AFF1: variants seen among roughly 807,000 people sequenced by gnomAD.
AFF1 encodes ALF transcription elongation factor 1.
A neutral mutation model predicts 121.7 loss-of-function variants in AFF1; 48 were observed. The observed-to-expected ratio is 0.39, with a 90% CI of 0.31 to 0.50. The LOEUF is 0.50. Ranked by LOEUF, AFF1 falls within the 20% of genes least tolerant of loss-of-function variation. The probability of loss-of-function intolerance (pLI) is 0.76; values close to 1 mark genes in which losing one functional copy is unlikely to be tolerated. For missense variants in AFF1, 1,523 were observed against 1,511.7 expected, an observed-to-expected ratio of 1.01 and a Z score of -0.12; for synonymous variants, 613 against 563.0, an observed-to-expected ratio of 1.09 and a Z score of -1.26.
At chr4:87,019,415 T>C (rs991290020) in intron 2 of AFF1, among the ~76,000 whole-genome samples, 130 of 152,356 alleles carry the variant, frequency 8.5e-4, no homozygotes, top group Non-Finnish European at 2.1e-4. Flanking sequence ...AAGACTTTTA[T>C]TCCAGAGAGT....
rs558571411 is a variant in AFF1 at position 87,048,391 on chromosome 4, T to C, written c.1059+797T>C. On this transcript the variant is annotated intron_variant, in intron 4 of 20. Coordinates refer to ENST00000395146, the MANE Select transcript of AFF1 (RefSeq NM_001166693.3). ...AGCATTGTGTTTGAATGAGGAGAAT[T>C]AGAGCATACATTCTGTCACTGAAAT... Among the ~76,000 whole-genome samples the C allele has an allele frequency of 1.2e-4, 18 of 152,346 alleles. No homozygotes were observed. The South Asian group carries it at 3.5e-3, about 30-fold the overall frequency.
chr4:87,105,566 GCTAGAAA>G, intron 8 of AFF1, 55 bp from the exon 9 acceptor site: 1 of 1,574,488 alleles, frequency 6.4e-7, no homozygotes, highest in Non-Finnish European at 8.7e-7. Context: ...CTATTTACAT[GCTAGAAA>G]AGTTGTTAGA....
intron 4 of AFF1, among the ~76,000 whole-genome samples, chr4:87,048,479 G>A (rs1730949097): frequency 6.6e-6 from 1 of 152,164 alleles, no homozygotes; most frequent in African/African-American, 2.4e-5. Flanking sequence ...TGTTTGAAGG[G>A]AATTTTAAAA....
chr4:87,015,501 A>C (rs956949947), intron 2 of AFF1, among the ~76,000 whole-genome samples: 4 of 152,236 alleles, frequency 2.6e-5, no homozygotes, highest in African/African-American at 9.6e-5. Context: ...GTAAAATTCA[A>C]AGTGCCACTG....
intron 4 of AFF1, among the ~76,000 whole-genome samples, chr4:87,078,153 G>A (rs1034710574): frequency 2.0e-4 from 31 of 152,108 alleles, no homozygotes; most frequent in Admixed American, 2.0e-4. Flanking sequence ...GTGGCTGTTT[G>A]CCAATCTACG....
chr4:86,955,256 T>C (rs62305658), intron 2 of AFF1, among the ~76,000 whole-genome samples: 20,182 of 152,310 alleles, frequency 0.13, 1,807 homozygotes, highest in Non-Finnish European at 0.19. Context: ...ATTTTATTTC[T>C]CCTCCAGCGT....
In AFF1 at chr4:86,986,040, C is replaced by CAATTTAATTTAATTTAATTTAATTT. The variant is rs60227626; in HGVS notation, c.38+37488_38+37512dup. 7.6e-3 allele frequency among the ~76,000 whole-genome samples: 1,035 copies of CAATTTAATTTAATTTAATTTAATTT among 135,592 alleles called. 10 individuals are homozygous for CAATTTAATTTAATTTAATTTAATTT. Among genetic ancestry groups the CAATTTAATTTAATTTAATTTAATTT allele is most frequent in the Middle Eastern group, 0.011 (3 of 276 alleles). The allele number at this position is 135,592 out of a possible 152,430, so 89.0% of individuals were successfully genotyped here. A position where few individuals can be genotyped will look rare whatever the true frequency, so the allele number is the denominator to read the frequency against. Reference sequence around the variant, plus strand: ...CCTTTTTTTAAAATTTAATTCAATTCAATTTAATTTAATTTAATTTAATTT... The same window carrying CAATTTAATTTAATTTAATTTAATTT: ...CCTTTTTTTAAAATTTAATTCAATTCAATTTAATTTAATTTAATTTAATTTAATTTAATTTAATTTAATTTAATTT... On this transcript the variant is annotated intron_variant, in intron 2 of 20. Transcript: ENST00000395146.
At chr4:87,132,450 ATTTC>A (rs1273793218) in intron 19 of AFF1, 42 bp downstream of exon 19, 1 of 1,549,136 alleles carries the variant, frequency 6.5e-7, no homozygotes, top group Non-Finnish European at 8.7e-7. Context: ...GAATTGAGTC[ATTTC>A]TTTATTTACT....
At chr4:86,973,336 G>A (rs1723073819) in intron 2 of AFF1, among the ~76,000 whole-genome samples, 1 of 152,166 alleles carries the variant, frequency 6.6e-6, no homozygotes, top group Non-Finnish European at 1.5e-5. Flanking sequence ...TGTATAAGGG[G>A]GCAGGATGAG....
intron 2 of AFF1, among the ~76,000 whole-genome samples, chr4:86,984,769 A>G (rs948771277): frequency 2.0e-5 from 3 of 152,194 alleles, no homozygotes; most frequent in African/African-American, 2.4e-5. Flanking sequence ...TATCTTGTCT[A>G]TATAAAAAAT....
chr4:87,032,809 G>A (rs1388103738), intron 2 of AFF1, among the ~76,000 whole-genome samples: 1 of 152,092 alleles, frequency 6.6e-6, no homozygotes, highest in Non-Finnish European at 1.5e-5. Flanking sequence ...GGTTTATTCA[G>A]TAATTGAAAA....
At chr4:87,010,492 C>T (rs1244922161) in intron 2 of AFF1, among the ~76,000 whole-genome samples, 2 of 152,112 alleles carry the variant, frequency 1.3e-5, no homozygotes, top group African/African-American at 4.8e-5. Flanking sequence ...AACTTGCTTT[C>T]TTTGATGTGA....
intron 4 of AFF1, among the ~76,000 whole-genome samples, chr4:87,058,456 A>G (rs551211363): frequency 6.9e-4 from 105 of 151,878 alleles, no homozygotes; most frequent in African/African-American, 2.3e-3. Context: ...TTTGCTTCCT[A>G]CCTTTCAGAG....
intron 4 of AFF1, among the ~76,000 whole-genome samples, chr4:87,072,892 A>T (rs948561261): frequency 6.6e-6 from 1 of 152,162 alleles, no homozygotes; most frequent in Non-Finnish European, 1.5e-5. Flanking sequence ...TTATTTTCAA[A>T]CTTTTGTATT....
chr4:87,127,166 T>A, intron 15 of AFF1, 49 bp downstream of exon 15: 3 of 1,084,620 alleles, frequency 2.8e-6, no homozygotes, highest in Non-Finnish European at 3.9e-6. Flanking sequence ...TTGTTTTGCT[T>A]CCCCCCCCCA....
intron 2 of AFF1, among the ~76,000 whole-genome samples, chr4:86,981,892 T>G (rs1323854376): frequency 6.6e-6 from 1 of 152,216 alleles, no homozygotes; most frequent in African/African-American, 2.4e-5. Context: ...GCTCTTCAGT[T>G]TATACACAGA....
intron 2 of AFF1, among the ~76,000 whole-genome samples, chr4:86,952,413 C>T (rs1721416634): frequency 6.6e-6 from 1 of 152,142 alleles, no homozygotes; most frequent in African/African-American, 2.4e-5. Flanking sequence ...GGTTTAGTTA[C>T]TGATGTTGGT....
chr4:87,133,995 T>C (rs566455044), intron 19 of AFF1, among the ~76,000 whole-genome samples: 1 of 152,340 alleles, frequency 6.6e-6, no homozygotes, highest in East Asian at 1.9e-4. Context: ...TTATTTCTGC[T>C]GTGGCCCAGG....
intron 2 of AFF1, among the ~76,000 whole-genome samples, chr4:86,986,100 TCTCA>T (rs1239972318): frequency 6.6e-6 from 1 of 150,536 alleles, no homozygotes; most frequent in African/African-American, 2.4e-5. Flanking sequence ...GGAGACCGAA[TCTCA>T]CTCTGTTGCC....
Sources: allele counts gnomAD v4.1 joint callset (sites outside exome capture counted in the v4.1 genomes callset), GRCh38; gene constraint gnomAD v4.1.1; transcripts MANE v1.5; gene names NCBI Gene and HGNC (gene_info 2026-07-23, HGNC 2026-07-21).